The following HS6ST3 variants were observed in gnomAD, a reference collection of about 807,000 sequenced individuals.
HS6ST3 encodes heparan-sulfate 6-O-sulfotransferase 3.
A neutral mutation model predicts 36.7 loss-of-function variants in HS6ST3; 12 were observed. That is an observed-to-expected ratio of 0.33 (90% CI 0.21 to 0.53). The LOEUF is 0.53. Ranked by LOEUF, HS6ST3 falls within the 20% of genes least tolerant of loss-of-function variation. The pLI is 0.95. For synonymous variants in HS6ST3, 240 were observed against 257.5 expected (o/e 0.93, Z 0.65); for missense variants, 584 against 640.9 (o/e 0.91, Z 0.96).
chr13:96,639,942 A>G (rs2056564472), intron 1 of HS6ST3, among the ~76,000 whole-genome samples: 1 of 151,978 alleles, frequency 6.6e-6, no homozygotes, highest in Non-Finnish European at 1.5e-5. Context: ...AATGTACCAC[A>G]TTGGCTTTAT....
chr13:96,679,430 C>G (rs559319372), intron 1 of HS6ST3, among the ~76,000 whole-genome samples: 10 of 152,010 alleles, frequency 6.6e-5, no homozygotes, highest in Non-Finnish European at 1.0e-4. Context: ...CTAACCACCC[C>G]AGCCCCCAGC....
intron 1 of HS6ST3, among the ~76,000 whole-genome samples, chr13:96,419,069 G>T (rs2055549352): frequency 6.6e-6 from 1 of 152,214 alleles, no homozygotes; most frequent in Admixed American, 6.5e-5. Flanking sequence ...TTTTTTTCTA[G>T]TGTCAATTGA....
chr13:96,432,393 C>A (rs1275368139), intron 1 of HS6ST3, among the ~76,000 whole-genome samples: 1 of 152,060 alleles, frequency 6.6e-6, no homozygotes, highest in African/African-American at 2.4e-5. Context: ...AATTTTAATT[C>A]TCTTATCCCA....
intron 1 of HS6ST3, among the ~76,000 whole-genome samples, chr13:96,325,265 T>C (rs2055024704): frequency 6.6e-6 from 1 of 152,164 alleles, no homozygotes; most frequent in Non-Finnish European, 1.5e-5. Context: ...TAAATGATAC[T>C]CCTTCAGCGT....
At chr13:96,421,527 G>A (rs2055562098) in intron 1 of HS6ST3, among the ~76,000 whole-genome samples, 1 of 152,126 alleles carries the variant, frequency 6.6e-6, no homozygotes, top group African/African-American at 2.4e-5. Flanking sequence ...TTTATGATCT[G>A]ACCTCTGCAA....
At chr13:96,177,869 A>G (rs977360837) in intron 1 of HS6ST3, among the ~76,000 whole-genome samples, 3 of 152,362 alleles carry the variant, frequency 2.0e-5, no homozygotes, top group South Asian at 2.1e-4. Context: ...TCAACCAGTC[A>G]TAATGTATGC....
intron 1 of HS6ST3, among the ~76,000 whole-genome samples, chr13:96,380,830 G>T (rs952606841): frequency 6.6e-6 from 1 of 152,282 alleles, no homozygotes; most frequent in East Asian, 1.9e-4. Context: ...GACTGAGTTA[G>T]ATTCTGTCGA....
chr13:96,230,642 G>T (rs1285430743), intron 1 of HS6ST3, among the ~76,000 whole-genome samples: 1 of 152,156 alleles, frequency 6.6e-6, no homozygotes, highest in Non-Finnish European at 1.5e-5. Flanking sequence ...CATAGGAGCA[G>T]TATGGAAGCC....
At chr13:96,521,302 T>C (rs552622084) in intron 1 of HS6ST3, among the ~76,000 whole-genome samples, 3 of 152,334 alleles carry the variant, frequency 2.0e-5, no homozygotes, top group South Asian at 4.1e-4. Context: ...GATATTGGTC[T>C]AAAATTCTCT....
intron 1 of HS6ST3, among the ~76,000 whole-genome samples, chr13:96,183,893 T>G (rs373369592): frequency 6.6e-6 from 1 of 152,078 alleles, no homozygotes; most frequent in Non-Finnish European, 1.5e-5. Context: ...TGACACTGAA[T>G]TTTTTACACT....
intron 1 of HS6ST3, among the ~76,000 whole-genome samples, chr13:96,549,673 C>G (rs903085577): frequency 6.6e-6 from 1 of 152,010 alleles, no homozygotes; most frequent in Non-Finnish European, 1.5e-5. Context: ...TGTTTTTACC[C>G]AGGTAACAGT....
chr13:96,452,763 G>A (rs1192093444), intron 1 of HS6ST3, among the ~76,000 whole-genome samples: 1 of 151,906 alleles, frequency 6.6e-6, no homozygotes, highest in East Asian at 1.9e-4. Flanking sequence ...TCCATACCCT[G>A]GAGTATGGAA....
chr13:96,206,134 TG>T (rs1482101746), intron 1 of HS6ST3, among the ~76,000 whole-genome samples: 11 of 152,124 alleles, frequency 7.2e-5, no homozygotes. Context: ...ACAAAATCAA[TG>T]TGCAAAAATC....
intron 1 of HS6ST3, among the ~76,000 whole-genome samples, chr13:96,684,934 ATATATGTG>A (rs1358057332): frequency 2.6e-5 from 4 of 152,122 alleles, no homozygotes; most frequent in Non-Finnish European, 4.4e-5. Context: ...CATAGATTGC[ATATATGTG>A]TATATGTGTA....
At chr13:96,120,552 GT>G (rs374902040) in intron 1 of HS6ST3, among the ~76,000 whole-genome samples, 37 of 151,842 alleles carry the variant, frequency 2.4e-4, no homozygotes, top group Middle Eastern at 3.4e-3. Context: ...GTTAAAACAA[GT>G]TTTTTTTCTA....
intron 1 of HS6ST3, among the ~76,000 whole-genome samples, chr13:96,213,886 C>G (rs1487386584): frequency 6.6e-6 from 1 of 152,088 alleles, no homozygotes; most frequent in South Asian, 2.1e-4. Flanking sequence ...TTACATCTAC[C>G]TTGGCTAATG....
chr13:96,377,886 A>G (rs921520670), intron 1 of HS6ST3, among the ~76,000 whole-genome samples: 7 of 152,226 alleles, frequency 4.6e-5, no homozygotes, highest in African/African-American at 1.7e-4. Flanking sequence ...GTGTTACCAA[A>G]GGACGTGCAA....
intron 1 of HS6ST3, among the ~76,000 whole-genome samples, chr13:96,178,715 A>G (rs2054224536): frequency 6.6e-6 from 1 of 152,138 alleles, no homozygotes; most frequent in Admixed American, 6.5e-5. Context: ...AGATGCCCAT[A>G]GGATGGCTTT....
intron 1 of HS6ST3, among the ~76,000 whole-genome samples, chr13:96,547,829 T>G (rs1250538973): frequency 6.6e-6 from 1 of 152,174 alleles, no homozygotes; most frequent in Non-Finnish European, 1.5e-5. Flanking sequence ...AGTTTGTTCT[T>G]GGCTTAAACG....
Sources: allele counts gnomAD v4.1 joint callset (sites outside exome capture counted in the v4.1 genomes callset), GRCh38; gene constraint gnomAD v4.1.1; transcripts MANE v1.5; gene names NCBI Gene and HGNC (gene_info 2026-07-23, HGNC 2026-07-21).